FAM117B: variants seen among roughly 807,000 people sequenced by gnomAD.
FAM117B encodes protein FAM117B.
FAM117B carries 22 observed loss-of-function variants against 52.8 expected under a neutral mutation model. The observed-to-expected ratio is 0.42, with a 90% CI of 0.30 to 0.59. The LOEUF (loss-of-function observed/expected upper bound fraction) is 0.59, where lower values mean the gene tolerates loss of function less well. FAM117B is among the 20% of genes least tolerant of loss of function. FAM117B has a pLI of 0.22. For synonymous variants in FAM117B, 309 were observed against 324.1 expected, an observed-to-expected ratio of 0.95 and a Z score of 0.50; for missense variants, 678 against 802.6, an observed-to-expected ratio of 0.84 and a Z score of 1.88.
chr2:202,717,572 G>A (rs1010060405), intron 2 of FAM117B, among the ~76,000 whole-genome samples: 1 of 152,194 alleles, frequency 6.6e-6, no homozygotes. Context: ...TAGATATACT[G>A]CCTTGACAAT....
At chr2:202,681,266 A>G (rs909693085) in intron 1 of FAM117B, among the ~76,000 whole-genome samples, 2 of 152,218 alleles carry the variant, frequency 1.3e-5, no homozygotes, top group Non-Finnish European at 2.9e-5. Context: ...AACAAAGAAC[A>G]GGTAGAGAAA....
intron 4 of FAM117B, among the ~76,000 whole-genome samples, chr2:202,735,480 T>C (rs1370750511): frequency 6.6e-6 from 1 of 152,198 alleles, no homozygotes; most frequent in Non-Finnish European, 1.5e-5. Flanking sequence ...AATTCTCACA[T>C]ACTTTTCTGC....
At chr2:202,728,495 C>T (rs1321969435) in intron 4 of FAM117B, among the ~76,000 whole-genome samples, 1 of 152,038 alleles carries the variant, frequency 6.6e-6, no homozygotes, top group African/African-American at 2.4e-5. Flanking sequence ...ATTAAAAACC[C>T]AGTCTCACTC....
chr2:202,738,831 A>T (rs147285882), intron 4 of FAM117B, among the ~76,000 whole-genome samples: 3 of 152,330 alleles, frequency 2.0e-5, no homozygotes, highest in Admixed American at 2.0e-4. Flanking sequence ...TGCCTAGCAC[A>T]TATTAAGTGC....
rs1559098103 is a variant in FAM117B at position 202,668,107 on chromosome 2, A to ATTTATAT, written c.602-27774_602-27773insTTTATAT. On this transcript the variant is annotated intron_variant, in intron 1 of 7. Transcript: ENST00000392238. ...ATATTTTATAAAAATATATTTATAT[A>ATTTATAT]AAAAATATTTTTATAAAATATATAT... Among the ~76,000 whole-genome samples, 1,306 of 141,438 alleles carry ATTTATAT rather than the reference A, an allele frequency of 9.2e-3. 23 individuals carry two copies. The highest frequency in any genetic ancestry group is 0.034 in the African/African-American group (1,236 of 36,308). The allele number at this position is 141,438 out of a possible 152,430, so 92.8% of individuals were successfully genotyped here.
At chr2:202,653,968 A>G (rs1050237578) in intron 1 of FAM117B, among the ~76,000 whole-genome samples, 1 of 151,978 alleles carries the variant, frequency 6.6e-6, no homozygotes, top group Non-Finnish European at 1.5e-5. Context: ...GTGCATGTAT[A>G]TAAGCGTTTG....
chr2:202,726,480 A>T, intron 4 of FAM117B, 117 bp downstream of exon 4: 1 of 682,666 alleles, frequency 1.5e-6, no homozygotes, highest in Non-Finnish European at 2.5e-6. Flanking sequence ...TGAAACAGTG[A>T]TTTAAATACT....
At position 202,759,422 on chromosome 2, in the gene FAM117B, C is replaced by T. The variant is rs1052754323; in HGVS notation, c.1451+69C>T. ...CTTTTTTTTTTGAGATAGGATCTCACTCTGTCATCTAGGCTGGACTGCACT... is the reference window on the plus strand; with the variant it reads ...CTTTTTTTTTTGAGATAGGATCTCATTCTGTCATCTAGGCTGGACTGCACT... On this transcript the variant is annotated intron_variant, in intron 7 of 7. Coordinates refer to ENST00000392238, the MANE Select transcript of FAM117B (RefSeq NM_173511.4). 3 of 1,564,076 alleles carry T rather than the reference C, an allele frequency of 1.9e-6. No individual in the cohort carries two copies. In the South Asian group the frequency reaches 3.7e-5, roughly 19 times the overall value.
In FAM117B at chr2:202,635,582, G is replaced by A; in HGVS notation, c.395G>A (p.Gly132Glu). The A allele has an allele frequency of 8.0e-7, 1 of 1,248,118 alleles. No homozygotes were observed. Among genetic ancestry groups the A allele is most frequent in the Non-Finnish European group, 1.0e-6 (1 of 1,001,356 alleles). The allele number at this position is 1,248,118 out of a possible 1,614,324, so 77.3% of individuals were successfully genotyped here. Residue 132 changes from glycine (G) to glutamate (E), a missense_variant, in exon 1 of 8, where the codon GGA (glycine) becomes GAA (glutamate). This residue lies in a region of FAM117B where 583 missense variants were observed against 644.8 expected (regional missense o/e 0.90). Transcript: ENST00000392238. Reference protein sequence around the residue: ...GTSPTRSAAPGARGSPPRPPP... With the variant: ...GTSPTRSAAPEARGSPPRPPP... The stretch of plus-strand genomic sequence containing the variant: ...AGCCCCACGCGCAGCGCCGCGCCTG[G>A]AGCTCGCGGGAGCCCCCCACGGCCG...
chr2:202,736,980 T>C (rs758799360), intron 4 of FAM117B, among the ~76,000 whole-genome samples: 1 of 152,156 alleles, frequency 6.6e-6, no homozygotes, highest in South Asian at 2.1e-4. Context: ...GTACCACAGA[T>C]GAGCCAATGC....
intron 2 of FAM117B, among the ~76,000 whole-genome samples, chr2:202,719,862 G>A (rs1691123365): frequency 1.3e-5 from 2 of 152,102 alleles, no homozygotes; most frequent in African/African-American, 4.8e-5. Flanking sequence ...TTTTAAGAGT[G>A]TAGACCAGTA....
chr2:202,751,018 TATAGAATTTATTCTATAAAC>T (rs1418960763), intron 4 of FAM117B, among the ~76,000 whole-genome samples: 1 of 152,158 alleles, frequency 6.6e-6, no homozygotes, highest in South Asian at 2.1e-4. Flanking sequence ...AGAGAGAAAT[TATAGAATTTATTCTATAAAC>T]ATAGAATTTA....
chr2:202,664,820 T>C (rs1164878936), intron 1 of FAM117B, among the ~76,000 whole-genome samples: 5 of 152,170 alleles, frequency 3.3e-5, no homozygotes, highest in African/African-American at 1.2e-4. Flanking sequence ...TCTCTGTGGG[T>C]CAGTGTATTA....
chr2:202,646,659 G>C (rs921142025), intron 1 of FAM117B, among the ~76,000 whole-genome samples: 5 of 152,154 alleles, frequency 3.3e-5, no homozygotes. Flanking sequence ...AATAATTTAT[G>C]CTCTTTTGAG....
chr2:202,749,924 A>G (rs1691697483), intron 4 of FAM117B, among the ~76,000 whole-genome samples: 1 of 152,218 alleles, frequency 6.6e-6, no homozygotes, highest in South Asian at 2.1e-4. Flanking sequence ...AACTGTAGAA[A>G]TAAAAAAAAT....
intron 1 of FAM117B, among the ~76,000 whole-genome samples, chr2:202,685,899 A>G (rs1690531787): frequency 6.6e-6 from 1 of 152,226 alleles, no homozygotes; most frequent in East Asian, 1.9e-4. Context: ...CACAAAAAGC[A>G]TGAACTATTA....
intron 1 of FAM117B, among the ~76,000 whole-genome samples, chr2:202,691,684 TGTGTGTGTGTGTGTGC>T (rs984528234): frequency 6.7e-6 from 1 of 150,190 alleles, no homozygotes; most frequent in African/African-American, 2.5e-5. Flanking sequence ...TGTGTGTGTG[TGTGTGTGTGTGTGTGC>T]GCGCGCGCCT....
Position 202,662,413 on chromosome 2 carries a change from A to G in FAM117B, c.601+26625A>G, listed in dbSNP as rs546194721. ...TGATAGAGGAGGAGGGGACTGGGAA[A>G]AGTCAGTCAACTGGTACAAAGTTGC... is the stretch of plus-strand genomic sequence containing the variant. On this transcript the variant is annotated intron_variant, in intron 1 of 7. Transcript: ENST00000392238. Among the ~76,000 whole-genome samples the G allele has an allele frequency of 8.5e-5, 13 of 152,284 alleles. No individual in the cohort carries two copies. In the East Asian group the frequency reaches 2.3e-3, roughly 27 times the overall value.
At chr2:202,750,402 A>G (rs1691704576) in intron 4 of FAM117B, among the ~76,000 whole-genome samples, 1 of 151,972 alleles carries the variant, frequency 6.6e-6, no homozygotes, top group South Asian at 2.1e-4. Flanking sequence ...AATCCCAGCT[A>G]CTCGGGAGGC....
Sources: allele counts gnomAD v4.1 joint callset (sites outside exome capture counted in the v4.1 genomes callset), GRCh38; gene constraint gnomAD v4.1.1; regional missense constraint gnomAD v4.1.1; transcripts MANE v1.5; gene names NCBI Gene and HGNC (gene_info 2026-07-23, HGNC 2026-07-21).